The following SUPT3H variants were observed in gnomAD, a reference collection of about 807,000 sequenced individuals.
SUPT3H encodes transcription initiation protein SPT3 homolog.
In SUPT3H, 44 loss-of-function variants were observed where a neutral mutation model predicts 44.3. The observed-to-expected ratio is 0.99, with a 90% CI of 0.78 to 1.28. SUPT3H has a LOEUF of 1.28. SUPT3H is among the 50% of genes most tolerant of loss of function. The probability of loss-of-function intolerance (pLI) is 0.00; values close to 1 mark genes in which losing one functional copy is unlikely to be tolerated. For synonymous variants in SUPT3H, 124 were observed against 125.6 expected (o/e 0.99, Z 0.09); for missense variants, 380 against 387.1 (o/e 0.98, Z 0.15).
At chr6:45,125,709 TG>T (rs1201382337) in intron 2 of SUPT3H, among the ~76,000 whole-genome samples, 3 of 152,148 alleles carry the variant, frequency 2.0e-5, no homozygotes, top group Non-Finnish European at 4.4e-5. Flanking sequence ...GATCAGATTA[TG>T]GCTTCAGTAA....
At chr6:45,190,236 G>C (rs1017685204) in intron 2 of SUPT3H, among the ~76,000 whole-genome samples, 2 of 151,932 alleles carry the variant, frequency 1.3e-5, no homozygotes, top group Non-Finnish European at 2.9e-5. Context: ...AAAATGTTAT[G>C]GTTAAAAAAG....
In SUPT3H at chr6:45,270,153, C is replaced by T. The variant is rs561775522; in HGVS notation, c.101+95048G>A. ...AAAGATAAAAATAAAAGAATATAAA[C>T]CTTATGTTCAACATAAGCTCCATCA... On this transcript the variant is annotated intron_variant, in intron 2 of 10. Coordinates refer to ENST00000371459, the MANE Select transcript of SUPT3H (RefSeq NM_003599.4). 1.9e-3 allele frequency among the ~76,000 whole-genome samples: 283 copies of T among 152,148 alleles called. 2 individuals carry two copies. The highest frequency in any genetic ancestry group is 0.011 in the South Asian group (54 of 4,814).
intron 3 of SUPT3H, among the ~76,000 whole-genome samples, chr6:45,042,238 C>A (rs1464391022): frequency 6.6e-6 from 1 of 152,054 alleles, no homozygotes; most frequent in Non-Finnish European, 1.5e-5. Flanking sequence ...GCCTGGCCAA[C>A]ATGGTGAAAT....
intron 2 of SUPT3H, among the ~76,000 whole-genome samples, chr6:45,194,625 C>T (rs142000646): frequency 0.012 from 1,776 of 152,124 alleles, 22 homozygotes; most frequent in Non-Finnish European, 0.018. Flanking sequence ...GAAATACACA[C>T]ACATATGTAT....
chr6:45,254,993 T>C (rs1008027630), intron 2 of SUPT3H, among the ~76,000 whole-genome samples: 2 of 152,228 alleles, frequency 1.3e-5, no homozygotes, highest in Non-Finnish European at 1.5e-5. Flanking sequence ...CAGATCAATT[T>C]GCTGTACTGC....
chr6:45,162,758 G>T (rs910807764), intron 2 of SUPT3H, among the ~76,000 whole-genome samples: 1 of 152,204 alleles, frequency 6.6e-6, no homozygotes, highest in Non-Finnish European at 1.5e-5. Context: ...TAAGAGTAAC[G>T]ATGCTTGTTC....
At chr6:45,288,059 C>T (rs543911455) in intron 2 of SUPT3H, among the ~76,000 whole-genome samples, 1 of 152,182 alleles carries the variant, frequency 6.6e-6, no homozygotes, top group East Asian at 1.9e-4. Flanking sequence ...AGGCTTGATG[C>T]ACCTATTTCT....
chr6:44,928,022 T>A (rs1267550828), intron 10 of SUPT3H, among the ~76,000 whole-genome samples: 1 of 152,204 alleles, frequency 6.6e-6, no homozygotes, highest in Non-Finnish European at 1.5e-5. Context: ...TTACAGTACT[T>A]CTTAAATCCT....
intron 10 of SUPT3H, among the ~76,000 whole-genome samples, chr6:44,913,058 C>A (rs1767300413): frequency 6.6e-6 from 1 of 152,180 alleles, no homozygotes; most frequent in African/African-American, 2.4e-5. Context: ...TAAGAAGAGG[C>A]AAACCAAAGC....
chr6:45,187,958 A>G (rs902406834), intron 2 of SUPT3H, among the ~76,000 whole-genome samples: 3 of 152,238 alleles, frequency 2.0e-5, no homozygotes, highest in Non-Finnish European at 4.4e-5. Context: ...TAAACAATTC[A>G]TAAGTTTTAA....
chr6:45,076,161 T>C (rs186152814), intron 3 of SUPT3H, among the ~76,000 whole-genome samples: 225 of 152,324 alleles, frequency 1.5e-3, no homozygotes, highest in African/African-American at 5.2e-3. Context: ...TGTATAACCA[T>C]ACACACAGTG....
chr6:45,262,301 C>T (rs1337453880), intron 2 of SUPT3H, among the ~76,000 whole-genome samples: 2 of 151,306 alleles, frequency 1.3e-5, no homozygotes, highest in African/African-American at 4.8e-5. Context: ...ATATTACTGG[C>T]ACAAAAACAG....
intron 2 of SUPT3H, among the ~76,000 whole-genome samples, chr6:45,184,182 G>C (rs1813771412): frequency 6.6e-6 from 1 of 152,080 alleles, no homozygotes; most frequent in African/African-American, 2.4e-5. Flanking sequence ...TTAAAAAAAA[G>C]TCCATAAATC....
Position 45,073,734 on chromosome 6 carries a change from T to C in SUPT3H, c.186+32188A>G, listed in dbSNP as rs1794671801. 2.6e-5 allele frequency among the ~76,000 whole-genome samples: 4 copies of C among 152,004 alleles called. 1 individual carries two copies. The South Asian group carries it at 8.3e-4, about 32-fold the overall frequency. ...GTTTCAGAAAATACTTAAGATCTTTTGACTTGTTTTGTGAGGTACTGAAGT... is the reference window on the plus strand; with the variant it reads ...GTTTCAGAAAATACTTAAGATCTTTCGACTTGTTTTGTGAGGTACTGAAGT... On this transcript the variant is annotated intron_variant, in intron 3 of 10. Coordinates refer to ENST00000371459, the MANE Select transcript of SUPT3H (RefSeq NM_003599.4).
At chr6:45,193,192 G>C (rs1189504442) in intron 2 of SUPT3H, among the ~76,000 whole-genome samples, 1 of 151,942 alleles carries the variant, frequency 6.6e-6, no homozygotes, top group Non-Finnish European at 1.5e-5. Context: ...TCTCGATTCA[G>C]AATAACACAT....
chr6:45,108,318 T>C (rs914317345), intron 2 of SUPT3H, among the ~76,000 whole-genome samples: 1 of 152,148 alleles, frequency 6.6e-6, no homozygotes, highest in Admixed American at 6.5e-5. Context: ...TCTACTAAAA[T>C]ACAAAAGAAA....
At chr6:45,004,068 G>A (rs879524452) in intron 5 of SUPT3H, among the ~76,000 whole-genome samples, 1 of 152,112 alleles carries the variant, frequency 6.6e-6, no homozygotes, top group African/African-American at 2.4e-5. Flanking sequence ...AAAGGAGAGA[G>A]TGGTGTGCTC....
At chr6:45,194,522 A>ATCCCAGCACT (rs1815687704) in intron 2 of SUPT3H, among the ~76,000 whole-genome samples, 1 of 152,156 alleles carries the variant, frequency 6.6e-6, no homozygotes, top group African/African-American at 2.4e-5. Flanking sequence ...GCAGAGTAAA[A>ATCCCAGCACT]TTATCATTCA....
chr6:44,970,836 T>C (rs1398801399), intron 6 of SUPT3H, among the ~76,000 whole-genome samples: 1 of 152,216 alleles, frequency 6.6e-6, no homozygotes, highest in Admixed American at 6.5e-5. Flanking sequence ...TAGTTCATAC[T>C]TTCTCTTTAA....
Sources: allele counts gnomAD v4.1 joint callset (sites outside exome capture counted in the v4.1 genomes callset), GRCh38; gene constraint gnomAD v4.1.1; transcripts MANE v1.5; gene names NCBI Gene and HGNC (gene_info 2026-07-23, HGNC 2026-07-21).